The following FLRT2 variants were observed in gnomAD, a reference collection of about 807,000 sequenced individuals.
FLRT2 encodes leucine-rich repeat transmembrane protein FLRT2.
Under a neutral mutation model 40.0 loss-of-function variants are expected in FLRT2, and 15 were observed. The ratio of observed to expected loss-of-function variants is 0.38; its 90% CI spans 0.25 to 0.58. The LOEUF is 0.58. Among genes scored for constraint, FLRT2 ranks in the 20% least tolerant of loss-of-function variants. The pLI is 0.71. For synonymous variants in FLRT2, 380 were observed against 336.8 expected, an observed-to-expected ratio of 1.13 and a Z score of -1.41; for missense variants, 726 against 840.0, an observed-to-expected ratio of 0.86 and a Z score of 1.68.
intron 1 of FLRT2, among the ~76,000 whole-genome samples, chr14:85,544,733 G>A (rs1021740893): frequency 6.6e-6 from 1 of 152,146 alleles, no homozygotes; most frequent in African/African-American, 2.4e-5. Flanking sequence ...GTTACAGGAA[G>A]TTGGACTTTA....
chr14:85,545,513 T>C (rs1211779787), intron 1 of FLRT2, among the ~76,000 whole-genome samples: 2 of 152,230 alleles, frequency 1.3e-5, no homozygotes, highest in African/African-American at 2.4e-5. Flanking sequence ...GATTACTCAC[T>C]GTCCAGTAGG....
intron 1 of FLRT2, among the ~76,000 whole-genome samples, chr14:85,533,273 C>T (rs1017640126): frequency 1.4e-5 from 2 of 146,712 alleles, no homozygotes; most frequent in African/African-American, 4.9e-5. Context: ...TTACTGTAAA[C>T]ATATCCGGGG....
intron 1 of FLRT2, among the ~76,000 whole-genome samples, chr14:85,613,255 A>G (rs1222673703): frequency 6.6e-6 from 1 of 152,218 alleles, no homozygotes; most frequent in Admixed American, 6.5e-5. Flanking sequence ...TGTTAGGTAC[A>G]TACATGCCTC....
chr14:85,573,827 C>A (rs1891005213), intron 1 of FLRT2, among the ~76,000 whole-genome samples: 1 of 152,242 alleles, frequency 6.6e-6, no homozygotes, highest in Non-Finnish European at 1.5e-5. Context: ...TTGACATTCT[C>A]AAGTAAACCC....
In FLRT2 at chr14:85,622,046, C is replaced by T. The variant is rs747152729; in HGVS notation, c.532C>T (p.Leu178Phe). 1.9e-6 allele frequency: 3 copies of T among 1,613,776 alleles called. No individual in the cohort carries two copies. The highest frequency in any genetic ancestry group is 1.1e-5 in the South Asian group (1 of 90,980). Reference sequence around the variant, plus strand: ...TCACCTGAGCAGTGTGCCTGTTGGGCTTCCTGTGGACTTGCAAGAGCTGAG... The same window carrying T: ...TCACCTGAGCAGTGTGCCTGTTGGGTTTCCTGTGGACTTGCAAGAGCTGAG... The part of the protein sequence containing the change: ...KNHLSSVPVG[L>F]PVDLQELRVD... Residue 178 changes from leucine to phenylalanine, a missense_variant, in exon 2 of 2, where the codon CTT becomes TTT. Leu to Phe is a conservative substitution (Grantham distance 22, BLOSUM62 0). Transcript: ENST00000330753.
In FLRT2 at chr14:85,624,988, A is replaced by T. The variant is rs957830293; in HGVS notation, c.*1491A>T. ...GGCTAATCAATCTTATGTTAGCAGG[A>T]CAACCCATGAAAAACAAGTCAGAGA... On this transcript the variant is annotated 3_prime_UTR_variant, in exon 2 of 2. Transcript: ENST00000330753. The T allele has an allele frequency of 6.0e-6, 1 of 167,076 alleles. No homozygotes were observed. Among genetic ancestry groups the T allele is most frequent in the Non-Finnish European group, 1.5e-5 (1 of 68,116 alleles). The allele number at this position is 167,076 out of a possible 1,614,324, so 10.3% of individuals were successfully genotyped here.
chr14:85,585,470 T>A (rs539133053), intron 1 of FLRT2, among the ~76,000 whole-genome samples: 187 of 152,278 alleles, frequency 1.2e-3, no homozygotes, highest in Middle Eastern at 6.8e-3. Flanking sequence ...AATGTAAACC[T>A]TTTTATTTCT....
chr14:85,639,405 G>A lies in FLRT2; in HGVS notation c.*15908G>A, dbSNP rs923921775. The A allele has an allele frequency of 6.6e-6, 1 of 152,036 alleles. No individual in the cohort carries two copies. Among genetic ancestry groups the A allele is most frequent in the African/African-American group, 2.4e-5 (1 of 41,384 alleles). The allele number at this position is 152,036 out of a possible 1,614,324, so 9.4% of individuals were successfully genotyped here. A position where few individuals can be genotyped will look rare whatever the true frequency, so the allele number is the denominator to read the frequency against. On this transcript the variant is annotated 3_prime_UTR_variant, in exon 2 of 2. Coordinates refer to ENST00000330753, the MANE Select transcript of FLRT2 (RefSeq NM_013231.6). ...TTTCTTGAAAGTAGTTTACCGGGTT[G>A]GGCAAAAAGAGGATGAGTATTAAAG...
In FLRT2 at chr14:85,628,209, A is replaced by C. The variant is rs1478300441; in HGVS notation, c.*4712A>C. The C allele has an allele frequency of 6.6e-6, 1 of 152,180 alleles. No individual in the cohort carries two copies. Among genetic ancestry groups the C allele is most frequent in the Non-Finnish European group, 1.5e-5 (1 of 68,038 alleles). 9.4% of individuals were successfully genotyped at this position (152,180 alleles called of 1,614,324 possible). A position where few individuals can be genotyped will look rare whatever the true frequency, so the allele number is the denominator to read the frequency against. On this transcript the variant is annotated 3_prime_UTR_variant, in exon 2 of 2. Transcript: ENST00000330753. ...AGAGCATCTTATTTTATACTGGTGA[A>C]ATCTATGTTGTTTAGGATACAGATA...
At chr14:85,587,295 A>AG in intron 1 of FLRT2, among the ~76,000 whole-genome samples, 1 of 141,164 alleles carries the variant, frequency 7.1e-6, no homozygotes, top group Non-Finnish European at 1.6e-5. Context: ...TGGAAAAAAA[A>AG]AAAAAAAAAA....
At chr14:85,610,100 G>A (rs1010643482) in intron 1 of FLRT2, among the ~76,000 whole-genome samples, 4 of 152,100 alleles carry the variant, frequency 2.6e-5, no homozygotes, top group African/African-American at 9.7e-5. Flanking sequence ...TTAATTACAT[G>A]GCTGTCTTTA....
intron 1 of FLRT2, among the ~76,000 whole-genome samples, chr14:85,592,302 C>G (rs953776805): frequency 5.3e-5 from 8 of 152,132 alleles, no homozygotes; most frequent in Non-Finnish European, 1.0e-4. Flanking sequence ...CCTGGTTCCT[C>G]TCCTTATCTG....
intron 1 of FLRT2, among the ~76,000 whole-genome samples, chr14:85,566,940 A>G (rs1432460388): frequency 1.3e-5 from 2 of 152,190 alleles, no homozygotes; most frequent in African/African-American, 2.4e-5. Flanking sequence ...CAGTATTAAT[A>G]TTTCTGTTGT....
At chr14:85,598,571 TG>T (rs1892239474) in intron 1 of FLRT2, among the ~76,000 whole-genome samples, 1 of 152,198 alleles carries the variant, frequency 6.6e-6, no homozygotes, top group Non-Finnish European at 1.5e-5. Context: ...TGGCTTCTGA[TG>T]GTGATGTTCT....
chr14:85,582,225 T>A (rs1011528582), intron 1 of FLRT2, among the ~76,000 whole-genome samples: 2 of 152,196 alleles, frequency 1.3e-5, no homozygotes, highest in African/African-American at 4.8e-5. Flanking sequence ...TTCTGATACA[T>A]ATGAAATACA....
At chr14:85,549,946 CAAG>C (rs1889512051) in intron 1 of FLRT2, among the ~76,000 whole-genome samples, 2 of 150,280 alleles carry the variant, frequency 1.3e-5, no homozygotes, top group Middle Eastern at 3.2e-3. Context: ...TTTCTGTGGT[CAAG>C]AAGAAGATAA....
intron 1 of FLRT2, among the ~76,000 whole-genome samples, chr14:85,555,553 C>A (rs1889894187): frequency 6.6e-6 from 1 of 152,048 alleles, no homozygotes; most frequent in Non-Finnish European, 1.5e-5. Context: ...GAAACCACCC[C>A]ATGATTCAAT....
At chr14:85,584,733 C>T (rs1331810589) in intron 1 of FLRT2, among the ~76,000 whole-genome samples, 1 of 152,152 alleles carries the variant, frequency 6.6e-6, no homozygotes, top group Non-Finnish European at 1.5e-5. Flanking sequence ...CTGAAAGCTG[C>T]TTTATGAGCC....
intron 1 of FLRT2, among the ~76,000 whole-genome samples, chr14:85,579,248 GA>G (rs1318132788): frequency 1.3e-5 from 2 of 152,106 alleles, no homozygotes; most frequent in Non-Finnish European, 2.9e-5. Flanking sequence ...TGCTTACTGG[GA>G]TTATGGGTTT....
Sources: gnomAD v4.1 joint callset for allele counts (sites outside exome capture counted in the v4.1 genomes callset) on GRCh38, gnomAD v4.1.1 for gene constraint, MANE v1.5 for transcripts, NCBI Gene and HGNC (gene_info 2026-07-23, HGNC 2026-07-21) for gene names.